The following ACACA variants were observed in gnomAD, a reference collection of about 807,000 sequenced individuals.
ACACA encodes the protein acetyl-CoA carboxylase alpha.
Under a neutral mutation model 296.1 loss-of-function variants are expected in ACACA, and 103 were observed. That is an observed-to-expected ratio of 0.35 (90% CI 0.30 to 0.41). ACACA has a LOEUF of 0.41. ACACA is among the 10% of genes least tolerant of loss of function. The probability of loss-of-function intolerance (pLI) is 1.00; values close to 1 mark genes in which losing one functional copy is unlikely to be tolerated. For missense variants in ACACA, 1,554 were observed against 2,989.7 expected, an observed-to-expected ratio of 0.52 and a Z score of 11.20; for synonymous variants, 953 against 1,038.6, an observed-to-expected ratio of 0.92 and a Z score of 1.58.
intron 45 of ACACA, 63 bp from the exon 46 acceptor site, chr17:37,130,281 A>T (rs1267388529): frequency 1.3e-6 from 2 of 1,595,978 alleles, no homozygotes; most frequent in Admixed American, 1.7e-5. Flanking sequence ...GGTCGATTTC[A>T]CAAGTCGCAC....
intron 39 of ACACA, among the ~76,000 whole-genome samples, chr17:37,187,036 A>G (rs1037837144): frequency 7.9e-5 from 12 of 152,266 alleles, no homozygotes; most frequent in Middle Eastern, 3.4e-3. Context: ...AAACATCCCT[A>G]CCCATTGAAA....
chr17:37,118,953 T>C (rs1316904230), intron 50 of ACACA, among the ~76,000 whole-genome samples: 3 of 152,156 alleles, frequency 2.0e-5, no homozygotes, highest in African/African-American at 7.2e-5. Context: ...AAGTGGCACA[T>C]TGGAAACTTT....
chr17:37,146,412 T>C (rs942164346), intron 45 of ACACA, among the ~76,000 whole-genome samples: 1 of 145,912 alleles, frequency 6.9e-6, no homozygotes, highest in Non-Finnish European at 1.5e-5. Context: ...AACTGAACCA[T>C]GTTAAGTAAA....
intron 14 of ACACA, 94 bp downstream of exon 14, chr17:37,257,609 G>T (rs2081280903): frequency 8.0e-7 from 1 of 1,248,048 alleles, no homozygotes; most frequent in Admixed American, 1.8e-5. Context: ...TTATTACTTT[G>T]ACAGCAGATG....
chr17:37,338,193 A>T (rs2048217232), intron 2 of ACACA, among the ~76,000 whole-genome samples: 1 of 149,178 alleles, frequency 6.7e-6, no homozygotes, highest in Non-Finnish European at 1.5e-5. Flanking sequence ...TCACCACTGC[A>T]CTCCAGCCTG....
chr17:37,329,085 C>G, intron 3 of ACACA: 1 of 396,814 alleles, frequency 2.5e-6, no homozygotes, highest in Non-Finnish European at 4.4e-6. Context: ...TACTGACATT[C>G]TCAGTTAGGG....
chr17:37,274,814 C>G, intron 8 of ACACA: 1 of 275,964 alleles, frequency 3.6e-6, no homozygotes, highest in South Asian at 1.4e-4. Flanking sequence ...AGAACAAATT[C>G]AACCTTTTAT....
chr17:37,285,617 C>G (rs2082729949), intron 3 of ACACA, among the ~76,000 whole-genome samples: 1 of 150,246 alleles, frequency 6.7e-6, no homozygotes, highest in Non-Finnish European at 1.5e-5. Flanking sequence ...AATTCGAGAC[C>G]AGCCTAGGCA....
intron 3 of ACACA, among the ~76,000 whole-genome samples, chr17:37,318,465 T>C (rs2047196503): frequency 6.6e-6 from 1 of 152,190 alleles, no homozygotes; most frequent in Non-Finnish European, 1.5e-5. Flanking sequence ...GGTTTTGAAC[T>C]CCTCACCTCA....
At position 37,389,493 on chromosome 17, in the gene ACACA, A is replaced by G. The variant is rs2050695742; in HGVS notation, c.38+16769T>C. The G allele has an allele frequency of 2.3e-6, 3 of 1,278,280 alleles. No homozygotes were observed. In the African/African-American group the frequency reaches 4.6e-5, roughly 19 times the overall value. The allele number at this position is 1,278,280 out of a possible 1,614,324, so 79.2% of individuals were successfully genotyped here. On this transcript the variant is annotated intron_variant, in intron 1 of 55. Transcript: ENST00000616317. ...AGGTGGATCACCTGAGGTGATCGAG[A>G]CCAGCCTGACCAACATGACGAAACC... is the stretch of plus-strand genomic sequence containing the variant.
chr17:37,304,071 A>C (rs2083755727), intron 3 of ACACA, among the ~76,000 whole-genome samples: 1 of 152,182 alleles, frequency 6.6e-6, no homozygotes, highest in African/African-American at 2.4e-5. Flanking sequence ...GCATTTTCCT[A>C]ATACCTAATA....
At chr17:37,124,670 G>T (rs1355931016) in intron 48 of ACACA, among the ~76,000 whole-genome samples, 2 of 152,260 alleles carry the variant, frequency 1.3e-5, no homozygotes, top group East Asian at 3.9e-4. Flanking sequence ...TGAGATAAAA[G>T]ACCTGAGACT....
chr17:37,355,589 C>T (rs2049101277), intron 1 of ACACA, among the ~76,000 whole-genome samples: 1 of 151,630 alleles, frequency 6.6e-6, no homozygotes, highest in African/African-American at 2.4e-5. Flanking sequence ...AGCACGGTGG[C>T]TCACGCCCAT....
intron 1 of ACACA, among the ~76,000 whole-genome samples, chr17:37,376,405 A>G (rs1051889145): frequency 6.6e-6 from 1 of 152,198 alleles, no homozygotes; most frequent in African/African-American, 2.4e-5. Context: ...ATTAACATTA[A>G]AAGTCCTTTC....
chr17:37,202,070 C>G (rs886603640), intron 33 of ACACA, among the ~76,000 whole-genome samples: 2 of 151,804 alleles, frequency 1.3e-5, no homozygotes, highest in South Asian at 2.1e-4. Context: ...TGTAAATAAC[C>G]AAGTATTGAC....
chr17:37,186,598 C>A (rs1296922529), intron 39 of ACACA, among the ~76,000 whole-genome samples: 2 of 152,228 alleles, frequency 1.3e-5, no homozygotes, highest in Non-Finnish European at 2.9e-5. Context: ...TCAGTTCCCA[C>A]GTCTAGCCAC....
chr17:37,347,745 T>TAAAA (rs1200225097), intron 1 of ACACA, among the ~76,000 whole-genome samples: 1 of 101,776 alleles, frequency 9.8e-6, no homozygotes, highest in Non-Finnish European at 1.9e-5. Flanking sequence ...CCTACTTACG[T>TAAAA]AAAAAAAAAA....
Position 37,253,119 on chromosome 17 carries a change from T to C in ACACA, c.1827-83A>G, listed in dbSNP as rs2081068721. 6.9e-6 allele frequency: 11 copies of C among 1,598,368 alleles called. No individual in the cohort carries two copies. In the South Asian group the frequency reaches 1.2e-4, roughly 18 times the overall value. On this transcript the variant is annotated intron_variant, in intron 14 of 55. Transcript: ENST00000616317. ...TTTTAAAGATCTGTTTGGCCAGGCATGGTGGCTCACGCCTGTAATCCTAAC... is the reference window on the plus strand; with the variant it reads ...TTTTAAAGATCTGTTTGGCCAGGCACGGTGGCTCACGCCTGTAATCCTAAC...
chr17:37,355,866 T>C (rs1240934971), intron 1 of ACACA, among the ~76,000 whole-genome samples: 1 of 141,668 alleles, frequency 7.1e-6, no homozygotes, highest in Admixed American at 7.1e-5. Flanking sequence ...CTCAAATAAA[T>C]AAATAAATAA....
Sources: gnomAD v4.1 joint callset for allele counts (sites outside exome capture counted in the v4.1 genomes callset) on GRCh38, gnomAD v4.1.1 for gene constraint, MANE v1.5 for transcripts, NCBI Gene and HGNC (gene_info 2026-07-23, HGNC 2026-07-21) for gene names.